Variants in EFCAB6 observed in about 807,000 individuals in gnomAD.
EFCAB6 encodes EF-hand calcium-binding domain-containing protein 6.
Under a neutral mutation model 169.8 loss-of-function variants are expected in EFCAB6, and 156 were observed. The observed-to-expected ratio is 0.92, with a 90% CI of 0.81 to 1.05. EFCAB6 has a LOEUF of 1.05. EFCAB6 is among the 50% of genes least tolerant of loss of function. The probability of loss-of-function intolerance (pLI) is 0.00; values close to 1 mark genes in which losing one functional copy is unlikely to be tolerated. For synonymous variants in EFCAB6, 698 were observed against 676.4 expected, an observed-to-expected ratio of 1.03 and a Z score of -0.50; for missense variants, 1,800 against 1,829.1, an observed-to-expected ratio of 0.98 and a Z score of 0.29.
rs930725050 is a variant in EFCAB6 at position 43,802,920 on chromosome 22, T to C, written c.-8+6075A>G. 5 of 253,228 alleles carry C rather than the reference T, an allele frequency of 2.0e-5. No homozygotes were observed. In the East Asian group the frequency reaches 5.2e-4, roughly 27 times the overall value. The allele number at this position is 253,228 out of a possible 1,614,324, so 15.7% of individuals were successfully genotyped here. Reference sequence around the variant, plus strand: ...TGTTGTCTTTTGGGGAAGGAGCCTATGTCACTAATAGAATGTCTTCAAAAC... The same window carrying C: ...TGTTGTCTTTTGGGGAAGGAGCCTACGTCACTAATAGAATGTCTTCAAAAC... On this transcript the variant is annotated intron_variant, in intron 2 of 31. Coordinates refer to ENST00000262726, the MANE Select transcript of EFCAB6 (RefSeq NM_022785.4).
intron 17 of EFCAB6, among the ~76,000 whole-genome samples, chr22:43,652,045 A>C (rs573256089): frequency 6.6e-6 from 1 of 152,106 alleles, no homozygotes; most frequent in East Asian, 1.9e-4. Flanking sequence ...ATGAGTTAAG[A>C]CTTTGGGGGA....
intron 3 of EFCAB6, among the ~76,000 whole-genome samples, chr22:43,774,178 G>A (rs2061565474): frequency 6.6e-6 from 1 of 151,806 alleles, no homozygotes; most frequent in Admixed American, 6.6e-5. Context: ...TCAAGCTATT[G>A]CACATTTCTG....
chr22:43,743,309 TG>T (rs1375119947), intron 6 of EFCAB6, among the ~76,000 whole-genome samples: 1 of 152,208 alleles, frequency 6.6e-6, no homozygotes, highest in African/African-American at 2.4e-5. Context: ...TGCTCTGGGC[TG>T]GAGCGACCCC....
At chr22:43,718,809 A>G (rs73174341) in intron 8 of EFCAB6, among the ~76,000 whole-genome samples, 3,350 of 152,114 alleles carry the variant, frequency 0.022, 49 homozygotes, top group Non-Finnish European at 0.034. Flanking sequence ...AATAATATCA[A>G]CAAATTTGGT....
At chr22:43,743,640 C>T (rs6006539) in intron 6 of EFCAB6, among the ~76,000 whole-genome samples, 4,365 of 152,274 alleles carry the variant, frequency 0.029, 215 homozygotes, top group African/African-American at 0.1. Context: ...TGACTGGGAT[C>T]AAAGGCTAAG....
At chr22:43,696,843 C>T (rs773105517) in intron 10 of EFCAB6, among the ~76,000 whole-genome samples, 2 of 152,092 alleles carry the variant, frequency 1.3e-5, no homozygotes, top group Non-Finnish European at 2.9e-5. Flanking sequence ...AATTATAGGG[C>T]TATGAAGTGT....
At chr22:43,778,148 G>C (rs1036934837) in intron 3 of EFCAB6, among the ~76,000 whole-genome samples, 5 of 152,114 alleles carry the variant, frequency 3.3e-5, no homozygotes, top group African/African-American at 1.2e-4. Flanking sequence ...GGCACAGTGG[G>C]TAAAAAGCAA....
At chr22:43,532,580 CTT>C (rs34388230) in intron 30 of EFCAB6, among the ~76,000 whole-genome samples, 356 of 146,098 alleles carry the variant, frequency 2.4e-3, no homozygotes, top group East Asian at 7.9e-3. Context: ...TGTCTAAAGT[CTT>C]TTTTTTTTTT....
At position 43,626,450 on chromosome 22, in the gene EFCAB6, A is replaced by C. The variant is rs755705100; in HGVS notation, c.2462T>G (p.Ile821Ser). ...CAGACCCGTGCTGCCTTCTTACCTA[A>C]TGAGTCTTTGAGGCGCTTCATCTGT... ...WRTDEAPQRL[I>S]RPKQKVADSE... is the part of the protein sequence containing the mutation. Residue 821 changes from isoleucine (I) to serine (S), a missense_variant, in exon 20 of 32, where the codon ATT becomes AGT. By Grantham distance (142) the Ile-to-Ser change is moderately radical. Coordinates refer to ENST00000262726, the MANE Select transcript of EFCAB6 (RefSeq NM_022785.4). 186 of 1,613,912 alleles carry C rather than the reference A, an allele frequency of 1.2e-4. No homozygotes were observed. Among genetic ancestry groups the C allele is most frequent in the Admixed American group, 3.2e-4 (19 of 59,984 alleles).
chr22:43,598,419 G>A (rs954627002), intron 23 of EFCAB6, among the ~76,000 whole-genome samples: 1 of 151,588 alleles, frequency 6.6e-6, no homozygotes, highest in African/African-American at 2.4e-5. Context: ...GGGAAGGGTC[G>A]GGAGGGGGAA....
At position 43,765,362 on chromosome 22, in the gene EFCAB6, T is replaced by C; in HGVS notation, c.383A>G (p.Tyr128Cys). 6.2e-7 allele frequency: 1 copy of C among 1,612,540 alleles called. No homozygotes were observed. The highest frequency in any genetic ancestry group is 8.5e-7 in the Non-Finnish European group (1 of 1,179,026). Residue 128 changes from tyrosine (Y) to cysteine (C), a missense_variant, in exon 5 of 32, where the codon TAC becomes TGC. By Grantham distance (194) the Tyr-to-Cys change is radical. Transcript: ENST00000262726. ...ACCAAACCTGGACAGAAAGGCAAGG[T>C]ACGGTACAGTACCAGAGGTGCTAAG... ...IPLSTSGTVP[Y>C]LAFLSRFGGI...
chr22:43,738,523 A>G (rs1211746156), intron 6 of EFCAB6, among the ~76,000 whole-genome samples: 1 of 151,688 alleles, frequency 6.6e-6, no homozygotes, highest in East Asian at 1.9e-4. Flanking sequence ...CATATCTCAC[A>G]CATATATTCA....
chr22:43,811,377 A>C (rs372645547), intron 1 of EFCAB6, among the ~76,000 whole-genome samples: 3 of 96,642 alleles, frequency 3.1e-5, no homozygotes, highest in African/African-American at 4.1e-5. Flanking sequence ...AAGGGAAGGG[A>C]GGGGAGGGGA....
chr22:43,561,168 C>T lies in EFCAB6; in HGVS notation c.3421-6072G>A, dbSNP rs1325377862. 1.3e-5 allele frequency among the ~76,000 whole-genome samples: 2 copies of T among 151,988 alleles called. 1 individual carries two copies. Among genetic ancestry groups the T allele is most frequent in the Non-Finnish European group, 2.9e-5 (2 of 67,990 alleles). On this transcript the variant is annotated intron_variant, in intron 26 of 31. Transcript: ENST00000262726. ...GGTCAGGAGTTCGAGACCAGCCTGG[C>T]CAATACAGCGAAAGTTCGTCTTTAC...
At chr22:43,607,413 A>G (rs1404884707) in intron 22 of EFCAB6, among the ~76,000 whole-genome samples, 1 of 152,168 alleles carries the variant, frequency 6.6e-6, no homozygotes, top group African/African-American at 2.4e-5. Flanking sequence ...AAAGACAGGG[A>G]CCATGTTGTC....
At chr22:43,763,341 C>CT (rs911452311) in intron 5 of EFCAB6, among the ~76,000 whole-genome samples, 5 of 151,210 alleles carry the variant, frequency 3.3e-5, no homozygotes, top group Non-Finnish European at 5.9e-5. Flanking sequence ...GCCCGGCCAT[C>CT]TTTTTTTTTA....
intron 17 of EFCAB6, among the ~76,000 whole-genome samples, chr22:43,650,774 T>C (rs559849021): frequency 1.3e-5 from 2 of 152,316 alleles, no homozygotes; most frequent in South Asian, 4.1e-4. Context: ...CAGATGGAGA[T>C]GAGGCACTTG....
chr22:43,580,768 T>G, intron 24 of EFCAB6, 109 bp from the exon 25 acceptor site: 1 of 1,188,982 alleles, frequency 8.4e-7, no homozygotes, highest in Non-Finnish European at 1.2e-6. Flanking sequence ...AATGAATAAT[T>G]TTAAGACACC....
chr22:43,636,632 A>T (rs2055420084), intron 17 of EFCAB6, among the ~76,000 whole-genome samples: 1 of 134,764 alleles, frequency 7.4e-6, no homozygotes, highest in Admixed American at 7.7e-5. Context: ...TTTTTTTGAG[A>T]CAGAGTCTCA....
Sources: allele counts gnomAD v4.1 joint callset (sites outside exome capture counted in the v4.1 genomes callset), GRCh38; gene constraint gnomAD v4.1.1; transcripts MANE v1.5; gene names NCBI Gene and HGNC (gene_info 2026-07-23, HGNC 2026-07-21).